Variants in ZSWIM9 observed in about 807,000 individuals in gnomAD.
ZSWIM9 encodes the protein zinc finger SWIM-type containing 9, also known as uncharacterized protein ZSWIM9.
In ZSWIM9, 11 loss-of-function variants were observed where a neutral mutation model predicts 25.0. That is an observed-to-expected ratio of 0.44 (90% CI 0.28 to 0.73). The LOEUF is 0.73. Ranked by LOEUF, ZSWIM9 falls within the 30% of genes least tolerant of loss-of-function variation. The pLI is 0.16. For synonymous variants in ZSWIM9, 562 were observed against 582.1 expected (o/e 0.97, Z 0.50); for missense variants, 1,070 against 1,296.5 (o/e 0.83, Z 2.68).
Position 48,195,326 on chromosome 19 carries a change from G to A in ZSWIM9, c.1262G>A (p.Arg421His), listed in dbSNP as rs1192132247. 1 of 1,530,216 alleles carries A rather than the reference G, an allele frequency of 6.5e-7. No individual in the cohort carries two copies. The highest frequency in any genetic ancestry group is 8.7e-7 in the Non-Finnish European group (1 of 1,144,740). The allele number at this position is 1,530,216 out of a possible 1,614,324, so 94.8% of individuals were successfully genotyped here. The change falls in exon 4 of 4, where the codon CGT becomes CAT. Residue 421 changes from arginine (R) to histidine (H), a missense_variant. Arg to His is a conservative substitution (Grantham distance 29). This residue lies in a region of ZSWIM9 where 184 missense variants were observed against 243.1 expected (regional missense o/e 0.76). Transcript: ENST00000614654. This position sits in a 1 kb window ranked among gnomAD's most constrained non-coding sequence, Gnocchi z 5.8. ...RRLLRRLSPS[R>H]GVAQCLRDLV... The stretch of plus-strand genomic sequence containing the variant: ...CTGCTGCGTCGTCTCAGCCCCTCGC[G>A]TGGCGTGGCGCAGTGCCTTCGCGAC...
At position 48,187,591 on chromosome 19, in the gene ZSWIM9, A is replaced by ATATAATATTATATATTATATATTATAT. The variant is rs1568579931; in HGVS notation, c.588+4824_588+4825insTATAATATTATATATTATATATTATAT. On this transcript the variant is annotated intron_variant, in intron 3 of 3. Coordinates refer to ENST00000614654, the MANE Select transcript of ZSWIM9 (RefSeq NM_199341.4). ...ATATTATATATATTATATATTATAT[A>ATATAATATTATATATTATATATTATAT]ATATAATATTATATATTATATTAAT... 1.5e-3 allele frequency: 61 copies of ATATAATATTATATATTATATATTATAT among 40,906 alleles called. 1 individual carries two copies. The highest frequency in any genetic ancestry group is 0.023 in the Middle Eastern group (2 of 86). 2.5% of individuals were successfully genotyped at this position (40,906 alleles called of 1,614,324 possible). A position where few individuals can be genotyped will look rare whatever the true frequency, so the allele number is the denominator to read the frequency against.
At chr19:48,183,039 C>T (rs1020603657) in intron 3 of ZSWIM9, 3 of 460,200 alleles carry the variant, frequency 6.5e-6, no homozygotes, top group African/African-American at 2.0e-5. Context: ...GATTCTGCAC[C>T]CCCAGCCACA....
intron 2 of ZSWIM9, among the ~76,000 whole-genome samples, chr19:48,180,183 A>C (rs1020733647): frequency 6.6e-6 from 1 of 151,818 alleles, no homozygotes; most frequent in Non-Finnish European, 1.5e-5. Flanking sequence ...CGCCTGGCTA[A>C]TTTTGTATTT....
intron 1 of ZSWIM9, among the ~76,000 whole-genome samples, chr19:48,170,926 A>G (rs997479305): frequency 2.0e-5 from 3 of 151,668 alleles, no homozygotes; most frequent in East Asian, 3.9e-4. Context: ...ACGAGGGGCC[A>G]TGTCTAGAAC....
chr19:48,187,348 TTAA>T (rs1213954241), intron 3 of ZSWIM9, among the ~76,000 whole-genome samples: 1 of 127,288 alleles, frequency 7.9e-6, no homozygotes, highest in African/African-American at 2.9e-5. Context: ...TATTATTATG[TTAA>T]TAATACAGTA....
chr19:48,188,121 C>G (rs190651748), intron 3 of ZSWIM9, among the ~76,000 whole-genome samples: 7 of 152,228 alleles, frequency 4.6e-5, no homozygotes, highest in Non-Finnish European at 7.4e-5. Context: ...TTGGGTTGCT[C>G]TCTTGATCTT....
rs764648713 is a variant in ZSWIM9 at position 48,179,034 on chromosome 19, A to C, written c.276-3421A>C. Among the ~76,000 whole-genome samples the C allele has an allele frequency of 6.0e-4, 92 of 152,252 alleles. 1 individual carries two copies. The highest frequency in any genetic ancestry group is 2.0e-3 in the Admixed American group (30 of 15,284). On this transcript the variant is annotated intron_variant, in intron 2 of 3. Transcript: ENST00000614654. ...TTGACAGCTCCTGCTGTATAAACAT[A>C]AAATCTGCCAAAAAATGCTGATATT...
chr19:48,197,395 G>A lies in ZSWIM9; in HGVS notation c.*568G>A. 4 of 634,980 alleles carry A rather than the reference G, an allele frequency of 6.3e-6. No individual in the cohort carries two copies. Among genetic ancestry groups the A allele is most frequent in the Non-Finnish European group, 1.1e-5 (4 of 354,664 alleles). The allele number at this position is 634,980 out of a possible 1,614,324, so 39.3% of individuals were successfully genotyped here. Reference sequence around the variant, plus strand: ...AGGAAGGGACGGGATGTAGGAGGGGGAAGAAAAATCGGAGATGAGACAAAA... The same window carrying A: ...AGGAAGGGACGGGATGTAGGAGGGGAAAGAAAAATCGGAGATGAGACAAAA... On this transcript the variant is annotated 3_prime_UTR_variant, in exon 4 of 4. Coordinates refer to ENST00000614654, the MANE Select transcript of ZSWIM9 (RefSeq NM_199341.4).
At chr19:48,183,776 A>T (rs2036980382) in intron 3 of ZSWIM9, among the ~76,000 whole-genome samples, 2 of 146,432 alleles carry the variant, frequency 1.4e-5, no homozygotes, top group Admixed American at 1.4e-4. Flanking sequence ...AGCTGGGACA[A>T]CAGGCGTGCA....
Position 48,182,393 on chromosome 19 carries a change from G to T in ZSWIM9, c.276-62G>T. ...TAGTTTAAAAAAAAAAAAAAGGTGA[G>T]TGGAAAGGAAGAAGAGGGCAGCAGA... On this transcript the variant is annotated intron_variant, in intron 2 of 3. Transcript: ENST00000614654. This position sits in a 1 kb window ranked among gnomAD's most constrained non-coding sequence, Gnocchi z 4.6. The T allele has an allele frequency of 7.8e-7, 1 of 1,284,572 alleles. No individual in the cohort carries two copies. Among genetic ancestry groups the T allele is most frequent in the Non-Finnish European group, 1.0e-6 (1 of 957,934 alleles). The allele number at this position is 1,284,572 out of a possible 1,614,324, so 79.6% of individuals were successfully genotyped here.
rs921880126 is a variant in ZSWIM9, at chr19:48,171,988, C to T, written c.186C>T (p.Pro62=). Residue 62 remains proline, a synonymous_variant, in exon 2 of 4, where the codon CCC becomes CCT. Transcript: ENST00000614654. ...HLARCRWASA[P]PLYTLIDVLK... Reference sequence around the variant, plus strand: ...CGCGCTGCCGCTGGGCCAGTGCGCCCCCGCTCTACACGCTCATCGACGTGC... The same window carrying T: ...CGCGCTGCCGCTGGGCCAGTGCGCCTCCGCTCTACACGCTCATCGACGTGC... 9.8e-6 allele frequency: 15 copies of T among 1,535,642 alleles called. No homozygotes were observed. The South Asian group carries it at 1.7e-4, about 17-fold the overall frequency.
At chr19:48,185,570 C>T (rs969060785) in intron 3 of ZSWIM9, among the ~76,000 whole-genome samples, 1 of 152,214 alleles carries the variant, frequency 6.6e-6, no homozygotes, top group Non-Finnish European at 1.5e-5. Context: ...GGTGAAAAGT[C>T]TTATCACATC....
At chr19:48,192,374 C>T (rs531562819) in intron 3 of ZSWIM9, among the ~76,000 whole-genome samples, 48 of 142,610 alleles carry the variant, frequency 3.4e-4, no homozygotes, top group East Asian at 8.4e-4. Context: ...CGCTTGAACC[C>T]GGGAGGCAGA....
rs2037159120 is a variant in ZSWIM9 at position 48,195,963 on chromosome 19, C to T, written c.1899C>T (p.His633=). The T allele has an allele frequency of 7.7e-7, 1 of 1,297,652 alleles. No homozygotes were observed. The highest frequency in any genetic ancestry group is 4.0e-5 in the Admixed American group (1 of 25,032). 80.4% of individuals were successfully genotyped at this position (1,297,652 alleles called of 1,614,324 possible). Residue 633 remains histidine, a synonymous_variant, in exon 4 of 4, where the codon CAC becomes CAT. Transcript: ENST00000614654. This position sits in a 1 kb window ranked among gnomAD's most constrained non-coding sequence, Gnocchi z 5.8. ...EGSPWRGAQL[H]DERAGGLRTA... ...GCCCCTGGAGGGGGGCGCAGCTGCA[C>T]GATGAAAGGGCAGGGGGACTGAGAA...
At position 48,195,382 on chromosome 19, in the gene ZSWIM9, G is replaced by A; in HGVS notation, c.1318G>A (p.Gly440Arg). 2.0e-6 allele frequency: 3 copies of A among 1,495,628 alleles called. No individual in the cohort carries two copies. Among genetic ancestry groups the A allele is most frequent in the Non-Finnish European group, 1.8e-6 (2 of 1,131,406 alleles). 92.6% of individuals were successfully genotyped at this position (1,495,628 alleles called of 1,614,324 possible). The change falls in exon 4 of 4, where the codon GGG (glycine) becomes AGG (arginine). Residue 440 changes from glycine (G) to arginine (R), a missense_variant. Physicochemically the swap from Gly to Arg is moderately radical, Grantham distance 125. Coordinates refer to ENST00000614654, the MANE Select transcript of ZSWIM9 (RefSeq NM_199341.4). This position sits in a 1 kb window ranked among gnomAD's most constrained non-coding sequence, Gnocchi z 5.8. ...LVAMQWADAA[G>R]EAVPEGPDGG... Reference sequence around the variant, plus strand: ...GGCCATGCAGTGGGCCGACGCGGCCGGGGAGGCGGTGCCCGAGGGGCCCGA... The same window carrying A: ...GGCCATGCAGTGGGCCGACGCGGCCAGGGAGGCGGTGCCCGAGGGGCCCGA...
intron 3 of ZSWIM9, among the ~76,000 whole-genome samples, chr19:48,190,790 C>T (rs1046286137): frequency 1.3e-5 from 2 of 152,202 alleles, no homozygotes; most frequent in African/African-American, 4.8e-5. Flanking sequence ...TTAGTTTCAG[C>T]TTTTCTAGTT....
rs1326527836 is a variant in ZSWIM9, at chr19:48,171,964, G to C, written c.162G>C (p.Ala54=). 6.5e-6 allele frequency: 10 copies of C among 1,535,778 alleles called. No individual in the cohort carries two copies. The highest frequency in any genetic ancestry group is 8.7e-6 in the Non-Finnish European group (10 of 1,146,666). ...TCGTCAAGAGCTCCATGCACCTGGC[G>C]CGCTGCCGCTGGGCCAGTGCGCCCC... is the stretch of plus-strand genomic sequence containing the variant. The part of the protein sequence containing the change: ...LFFVKSSMHL[A]RCRWASAPPL... Residue 54 remains alanine (A), a synonymous_variant, in exon 2 of 4, where the codon GCG becomes GCC. Coordinates refer to ENST00000614654, the MANE Select transcript of ZSWIM9 (RefSeq NM_199341.4).
intron 2 of ZSWIM9, chr19:48,181,169 GA>G (rs2036945284): frequency 6.6e-6 from 1 of 151,864 alleles, no homozygotes; most frequent in Admixed American, 6.6e-5. Flanking sequence ...GTGTGAAACT[GA>G]ATGAATTTTC....
intron 2 of ZSWIM9, among the ~76,000 whole-genome samples, chr19:48,177,530 G>C (rs1396797870): frequency 6.6e-6 from 1 of 152,188 alleles, no homozygotes; most frequent in Non-Finnish European, 1.5e-5. Context: ...GACAGGTGGA[G>C]AGAAATTGGA....
Sources: gnomAD v4.1 joint callset for allele counts (sites outside exome capture counted in the v4.1 genomes callset) on GRCh38, gnomAD v4.1.1 for gene constraint, gnomAD v4.1.1 regional missense constraint, Gnocchi (gnomAD v3.1) non-coding constraint, MANE v1.5 for transcripts, NCBI Gene and HGNC (gene_info 2026-07-23, HGNC 2026-07-21) for gene names.